STPG4: variants seen among roughly 807,000 people sequenced by gnomAD.
The protein encoded by STPG4 is protein STPG4.
STPG4 carries 41 observed loss-of-function variants against 31.5 expected under a neutral mutation model. The observed-to-expected ratio is 1.30, with a 90% CI of 1.01 to 1.69. STPG4 has a LOEUF of 1.69. Among genes scored for constraint, STPG4 ranks in the 40% most tolerant of loss-of-function variants. The pLI is 0.00. For synonymous variants in STPG4, 141 were observed against 103.0 expected, an observed-to-expected ratio of 1.37 and a Z score of -2.24; for missense variants, 375 against 293.4, an observed-to-expected ratio of 1.28 and a Z score of -2.03.
chr2:47,134,950 G>C (rs1018595261), intron 3 of STPG4, among the ~76,000 whole-genome samples: 3 of 152,152 alleles, frequency 2.0e-5, no homozygotes, highest in Admixed American at 2.0e-4. Flanking sequence ...GATGACATAT[G>C]ATGTGAAACG....
intron 5 of STPG4, among the ~76,000 whole-genome samples, chr2:47,100,591 C>G (rs1367116361): frequency 6.6e-6 from 1 of 151,050 alleles, no homozygotes; most frequent in African/African-American, 2.5e-5. Flanking sequence ...CCCTTCCACA[C>G]TGTGGAAGCT....
At chr2:47,093,543 T>C (rs958231057) in intron 5 of STPG4, among the ~76,000 whole-genome samples, 1 of 152,186 alleles carries the variant, frequency 6.6e-6, no homozygotes, top group Non-Finnish European at 1.5e-5. Flanking sequence ...ACACCTATGA[T>C]GGCCATCTGC....
chr2:47,140,696 C>T (rs903119558), intron 3 of STPG4, among the ~76,000 whole-genome samples: 14 of 152,240 alleles, frequency 9.2e-5, no homozygotes, highest in Middle Eastern at 3.4e-3. Flanking sequence ...TAGGATGGAA[C>T]TTCAACTTCC....
At chr2:47,135,800 TTG>T (rs894601390) in intron 3 of STPG4, among the ~76,000 whole-genome samples, 3 of 152,234 alleles carry the variant, frequency 2.0e-5, no homozygotes, top group African/African-American at 4.8e-5. Context: ...GACTATATTT[TTG>T]TGTGTCTATT....
At chr2:47,125,838 C>T (rs1254720176) in intron 5 of STPG4, among the ~76,000 whole-genome samples, 4 of 152,090 alleles carry the variant, frequency 2.6e-5, no homozygotes, top group East Asian at 1.9e-4. Context: ...GGATTACAGA[C>T]GTGAGCCACC....
chr2:47,118,944 T>C (rs1686207375), intron 5 of STPG4, among the ~76,000 whole-genome samples: 1 of 152,208 alleles, frequency 6.6e-6, no homozygotes, highest in African/African-American at 2.4e-5. Context: ...TGAAGCTAAT[T>C]TTTAGAACAA....
At chr2:47,138,674 C>T (rs540398344) in intron 3 of STPG4, among the ~76,000 whole-genome samples, 4 of 152,250 alleles carry the variant, frequency 2.6e-5, no homozygotes, top group East Asian at 1.9e-4. Flanking sequence ...CTCAGCCTCC[C>T]AAGTAGCTGG....
intron 5 of STPG4, among the ~76,000 whole-genome samples, chr2:47,116,358 G>A (rs1282805239): frequency 6.6e-6 from 1 of 152,204 alleles, no homozygotes; most frequent in Non-Finnish European, 1.5e-5. Flanking sequence ...ATTCATTGTT[G>A]TAGAGTTTCT....
At chr2:47,093,326 G>C (rs750271550) in intron 5 of STPG4, among the ~76,000 whole-genome samples, 9 of 152,216 alleles carry the variant, frequency 5.9e-5, no homozygotes, top group East Asian at 1.9e-4. Flanking sequence ...GTTGCTGTCA[G>C]GGTGAGGCTC....
At chr2:47,134,905 G>A (rs951513071) in intron 3 of STPG4, among the ~76,000 whole-genome samples, 9 of 152,128 alleles carry the variant, frequency 5.9e-5, no homozygotes, top group African/African-American at 1.9e-4. Context: ...TTTCATATTT[G>A]TGTAGTATCT....
chr2:47,089,888 C>T (rs187309827), intron 6 of STPG4, among the ~76,000 whole-genome samples: 162 of 152,286 alleles, frequency 1.1e-3, no homozygotes, highest in Non-Finnish European at 1.8e-3. Flanking sequence ...ATTTTGCTTC[C>T]TTGGGCTCCC....
At chr2:47,152,476 T>C (rs955346433) in intron 2 of STPG4, among the ~76,000 whole-genome samples, 2 of 152,200 alleles carry the variant, frequency 1.3e-5, no homozygotes, top group African/African-American at 4.8e-5. Flanking sequence ...TTGAAGGGCA[T>C]TGACAGAAAA....
intron 5 of STPG4, among the ~76,000 whole-genome samples, chr2:47,113,878 C>T (rs1282486499): frequency 1.3e-5 from 2 of 151,640 alleles, no homozygotes; most frequent in East Asian, 3.9e-4. Context: ...ACTAAAAATA[C>T]AAAAAATTAG....
At chr2:47,148,471 C>T (rs180780857) in intron 3 of STPG4, among the ~76,000 whole-genome samples, 13 of 151,852 alleles carry the variant, frequency 8.6e-5, no homozygotes, top group Admixed American at 2.0e-4. Flanking sequence ...TACAGATTCT[C>T]GAGTTGAGTT....
At chr2:47,132,452 C>T (rs1390373227) in intron 3 of STPG4, among the ~76,000 whole-genome samples, 1 of 152,162 alleles carries the variant, frequency 6.6e-6, no homozygotes, top group African/African-American at 2.4e-5. Context: ...GCTGTCTTTC[C>T]CATATTAGTA....
chr2:47,094,194 A>T (rs36011331), intron 5 of STPG4, among the ~76,000 whole-genome samples: 60,374 of 152,088 alleles, frequency 0.4, 13,165 homozygotes, highest in Middle Eastern at 0.55. Context: ...CTCTTCCACA[A>T]ATCAAATGGG....
intron 6 of STPG4, among the ~76,000 whole-genome samples, chr2:47,088,563 T>C (rs1297408920): frequency 1.3e-5 from 2 of 152,226 alleles, no homozygotes; most frequent in African/African-American, 4.8e-5. Context: ...TGAGGCTCAC[T>C]GGTGTCTCTC....
intron 6 of STPG4, among the ~76,000 whole-genome samples, 187 bp from the exon 7 acceptor site, chr2:47,087,317 C>T (rs568116124): frequency 2.4e-4 from 37 of 152,344 alleles, no homozygotes; most frequent in South Asian, 6.2e-4. Context: ...AGAGGCTGCT[C>T]CTGTTAGGGG....
intron 6 of STPG4, 98 bp from the exon 7 acceptor site, chr2:47,087,228 C>T: frequency 7.1e-7 from 1 of 1,407,994 alleles, no homozygotes; most frequent in Non-Finnish European, 9.6e-7. Flanking sequence ...TGGACAAATT[C>T]CCCAAGGATG....
Sources: gnomAD v4.1 joint callset for allele counts (sites outside exome capture counted in the v4.1 genomes callset) on GRCh38, gnomAD v4.1.1 for gene constraint, MANE v1.5 for transcripts, NCBI Gene and HGNC (gene_info 2026-07-23, HGNC 2026-07-21) for gene names.